Variants in CEACAM21 observed in about 807,000 individuals in gnomAD.
CEACAM21 encodes the protein cell adhesion molecule CEACAM21.
In CEACAM21, 38 loss-of-function variants were observed where a neutral mutation model predicts 33.2. That is an observed-to-expected ratio of 1.14 (90% CI 0.88 to 1.50). The LOEUF (loss-of-function observed/expected upper bound fraction) is 1.50. Among genes scored for constraint, CEACAM21 ranks in the 40% most tolerant of loss-of-function variants. The probability of loss-of-function intolerance (pLI) is 0.00; values close to 1 mark genes in which losing one functional copy is unlikely to be tolerated. For missense variants in CEACAM21, 385 were observed against 364.6 expected (o/e 1.06, Z -0.46); for synonymous variants, 156 against 143.0 (o/e 1.09, Z -0.65).
intron 1 of CEACAM21, chr19:41,555,498 A>G (rs1200272298): frequency 6.6e-6 from 1 of 151,930 alleles, no homozygotes; most frequent in Non-Finnish European, 1.5e-5. Flanking sequence ...ACAGAAGCCA[A>G]CAAAGTATTT....
chr19:41,586,576 C>T lies in CEACAM21; in HGVS notation c.*113C>T, dbSNP rs553841783. The stretch of plus-strand genomic sequence containing the variant: ...GTGGGTTGATGGAGCGTCCCTGAAG[C>T]CCCCAGCCCTGGGGATGGGGAAGGA... On this transcript the variant is annotated 3_prime_UTR_variant, in exon 7 of 7. Coordinates refer to ENST00000401445, the MANE Select transcript of CEACAM21 (RefSeq NM_001098506.4). 3.3e-6 allele frequency: 2 copies of T among 609,484 alleles called. No individual in the cohort carries two copies. The highest frequency in any genetic ancestry group is 2.7e-5 in the South Asian group (2 of 73,160). 37.8% of individuals were successfully genotyped at this position (609,484 alleles called of 1,614,324 possible).
At chr19:41,558,068 A>C (rs2041647063) in intron 1 of CEACAM21, among the ~76,000 whole-genome samples, 1 of 152,056 alleles carries the variant, frequency 6.6e-6, no homozygotes, top group Non-Finnish European at 1.5e-5. Flanking sequence ...GCGATAAACA[A>C]CTCTACAGAA....
rs1013790060 is a variant in CEACAM21, at chr19:41,576,191, C to G, written c.-84C>G. On this transcript the variant is annotated 5_prime_UTR_variant, in exon 1 of 7. Coordinates refer to ENST00000401445, the MANE Select transcript of CEACAM21 (RefSeq NM_001098506.4). ...ATAGAGGAAGGAAGGACAGCAGAGACAACAGTCACAGTAACCCTGTCTAGA... is the reference window on the plus strand; with the variant it reads ...ATAGAGGAAGGAAGGACAGCAGAGAGAACAGTCACAGTAACCCTGTCTAGA... 6.6e-7 allele frequency: 1 copy of G among 1,505,740 alleles called. No homozygotes were observed. Among genetic ancestry groups the G allele is most frequent in the African/African-American group, 1.4e-5 (1 of 72,360 alleles). The allele number at this position is 1,505,740 out of a possible 1,614,324, so 93.3% of individuals were successfully genotyped here. A position where few individuals can be genotyped will look rare whatever the true frequency, so the allele number is the denominator to read the frequency against.
chr19:41,584,467 G>A (rs370515100), intron 4 of CEACAM21, 24 bp downstream of exon 4: 1 of 1,583,708 alleles, frequency 6.3e-7, no homozygotes, highest in East Asian at 2.3e-5. Context: ...TCCCCATTCT[G>A]CTCCCATCCT....
At chr19:41,574,780 C>T (rs2042825919), upstream of CEACAM21, among the ~76,000 whole-genome samples, 1 of 152,182 alleles carries the variant, frequency 6.6e-6, no homozygotes, top group Non-Finnish European at 1.5e-5. Context: ...AACAGTTTGG[C>T]TGTTTCTCAA....
chr19:41,584,231 A>G, intron 3 of CEACAM21, 116 bp from the exon 4 acceptor site: 2 of 838,726 alleles, frequency 2.4e-6, no homozygotes, highest in Non-Finnish European at 1.9e-6. Flanking sequence ...ACAACAGACC[A>G]CACTCAGGCT....
chr19:41,577,200 C>T lies in CEACAM21; in HGVS notation c.65C>T (p.Ala22Val), dbSNP rs199801483. The change falls in exon 2 of 7, where the codon GCC becomes GTC. Residue 22 changes from alanine to valine, a missense_variant and splice_region_variant. Transcript: ENST00000401445. The part of the protein sequence containing the change: ...CIPWQGLLLT[A>V]SLLTFWNAPT... ...GACTGATATTCTCTCCCTTTCCTAGCCTCACTTTTAACTTTCTGGAACGCA... is the reference window on the plus strand; with the variant it reads ...GACTGATATTCTCTCCCTTTCCTAGTCTCACTTTTAACTTTCTGGAACGCA... The T allele has an allele frequency of 1.2e-4, 191 of 1,613,856 alleles. No homozygotes were observed. Among genetic ancestry groups the T allele is most frequent in the Admixed American group, 6.5e-4 (39 of 59,984 alleles).
intron 2 of CEACAM21, among the ~76,000 whole-genome samples, chr19:41,571,015 G>T (rs782750924): frequency 2.6e-5 from 4 of 152,122 alleles, no homozygotes; most frequent in African/African-American, 4.8e-5. Flanking sequence ...CCACTCCTCA[G>T]CATTGACATT....
At chr19:41,580,316 G>T (rs1276758141) in intron 3 of CEACAM21, among the ~76,000 whole-genome samples, 2 of 151,994 alleles carry the variant, frequency 1.3e-5, no homozygotes, top group African/African-American at 2.4e-5. Flanking sequence ...GTGATGGGGG[G>T]GGGTTTCTCC....
At chr19:41,561,520 A>G (rs2041881646) in intron 1 of CEACAM21, among the ~76,000 whole-genome samples, 1 of 152,152 alleles carries the variant, frequency 6.6e-6, no homozygotes, top group Non-Finnish European at 1.5e-5. Flanking sequence ...ACTTTCCCCA[A>G]ATTATGTATA....
chr19:41,577,230 C>T lies in CEACAM21; in HGVS notation c.95C>T (p.Thr32Ile). The T allele has an allele frequency of 6.2e-7, 1 of 1,614,128 alleles. No homozygotes were observed. The change falls in exon 2 of 7, where the codon ACC (threonine) becomes ATC (isoleucine). Residue 32 changes from threonine to isoleucine, a missense_variant. By Grantham distance (89) the Thr-to-Ile change is moderately conservative. Coordinates refer to ENST00000401445, the MANE Select transcript of CEACAM21 (RefSeq NM_001098506.4). ...CTTTTAACTTTCTGGAACGCACCCACCACTGCCTGGCTCTTTATTGCATCA... is the reference window on the plus strand; with the variant it reads ...CTTTTAACTTTCTGGAACGCACCCATCACTGCCTGGCTCTTTATTGCATCA... ...ASLLTFWNAPTTAWLFIASAP... is the reference protein window; with the variant it reads ...ASLLTFWNAPITAWLFIASAP...
intron 3 of CEACAM21, among the ~76,000 whole-genome samples, chr19:41,581,423 C>G (rs1428179460): frequency 6.6e-6 from 1 of 152,196 alleles, no homozygotes; most frequent in Non-Finnish European, 1.5e-5. Flanking sequence ...CTGTTTGGGG[C>G]TCTCAGCTCT....
rs955385839 is a variant in CEACAM21 at position 41,586,651 on chromosome 19, C to T, written c.*188C>T. 1.5e-5 allele frequency: 8 copies of T among 517,352 alleles called. No homozygotes were observed. Among genetic ancestry groups the T allele is most frequent in the Non-Finnish European group, 3.0e-5 (8 of 269,294 alleles). The allele number at this position is 517,352 out of a possible 1,614,324, so 32.0% of individuals were successfully genotyped here. On this transcript the variant is annotated 3_prime_UTR_variant, in exon 7 of 7. Transcript: ENST00000401445. ...GCTCTGAGTCCTGAGGAGACACAGG[C>T]CTGGGGACAGGAAGGGATGGGGGTC...
Position 41,577,402 on chromosome 19 carries a change from G to T in CEACAM21, c.267G>T (p.Arg89Ser), listed in dbSNP as rs1555791637. 6.2e-7 allele frequency: 1 copy of T among 1,614,094 alleles called. No homozygotes were observed. Among genetic ancestry groups the T allele is most frequent in the Non-Finnish European group, 8.5e-7 (1 of 1,180,022 alleles). Residue 89 changes from arginine to serine, a missense_variant, in exon 2 of 7, where the codon AGG (arginine) becomes AGT (serine). Coordinates refer to ENST00000401445, the MANE Select transcript of CEACAM21 (RefSeq NM_001098506.4). The stretch of plus-strand genomic sequence containing the variant: ...CATATGTAATAGACACTCACGTTAG[G>T]ACTCCAGGGCCTGCATACAGCGGTC... ...IAAYVIDTHVRTPGPAYSGRE... is the reference protein window; with the variant it reads ...IAAYVIDTHVSTPGPAYSGRE...
Position 41,577,566 on chromosome 19 carries a change from G to C in CEACAM21, c.424+7G>C. On this transcript the variant is annotated splice_region_variant and intron_variant, in intron 2 of 6. Transcript: ENST00000401445. ...CACCATCTCCGTGTATACGGTGAGT[G>C]ATTCCTCCGTGCCTCTGGGTGTTGG... The C allele has an allele frequency of 6.2e-7, 1 of 1,612,502 alleles. No individual in the cohort carries two copies.
Position 41,577,030 on chromosome 19 carries a change from T to G in CEACAM21, c.65-170T>G, listed in dbSNP as rs147965974. On this transcript the variant is annotated intron_variant, in intron 1 of 6. Transcript: ENST00000401445. ...GGGTTCACACAAGGAAATGCCAAGG[T>G]CAGAGGTACTGAAGGAATGAGGGTC... 7.0e-4 allele frequency among the ~76,000 whole-genome samples: 106 copies of G among 151,910 alleles called. 1 individual carries two copies. The East Asian group carries it at 0.02, about 29-fold the overall frequency.
At chr19:41,559,295 T>C (rs2041726419) in intron 1 of CEACAM21, among the ~76,000 whole-genome samples, 2 of 152,218 alleles carry the variant, frequency 1.3e-5, no homozygotes, top group African/African-American at 2.4e-5. Context: ...AATGTATCTT[T>C]AGAAACAACA....
chr19:41,568,536 A>C (rs2042408331), intron 2 of CEACAM21, among the ~76,000 whole-genome samples: 1 of 152,212 alleles, frequency 6.6e-6, no homozygotes, highest in Non-Finnish European at 1.5e-5. Flanking sequence ...CACTTATTGA[A>C]GAGGCTGTCC....
chr19:41,584,584 A>T, intron 4 of CEACAM21, 141 bp downstream of exon 4: 1 of 726,762 alleles, frequency 1.4e-6, no homozygotes, highest in Non-Finnish European at 2.3e-6. Context: ...ATTCCATGGC[A>T]CCTTCCTCAC....
Sources: allele counts gnomAD v4.1 joint callset (sites outside exome capture counted in the v4.1 genomes callset), GRCh38; gene constraint gnomAD v4.1.1; transcripts MANE v1.5; gene names NCBI Gene and HGNC (gene_info 2026-07-23, HGNC 2026-07-21).